Variants in LRMDA observed in about 807,000 individuals in gnomAD.
LRMDA encodes the protein leucine-rich melanocyte differentiation-associated protein.
In LRMDA, 18 loss-of-function variants were observed where a neutral mutation model predicts 29.8. The ratio of observed to expected loss-of-function variants is 0.60; its 90% CI spans 0.42 to 0.90. The LOEUF is 0.90. Among genes scored for constraint, LRMDA ranks in the 40% least tolerant of loss-of-function variants. LRMDA has a pLI of 0.00. For missense variants in LRMDA, 273 were observed against 273.9 expected, an observed-to-expected ratio of 1.00 and a Z score of 0.02; for synonymous variants, 125 against 109.4, an observed-to-expected ratio of 1.14 and a Z score of -0.89.
intron 2 of LRMDA, among the ~76,000 whole-genome samples, chr10:75,691,159 G>GAT (rs1842149149): frequency 1.1e-5 from 1 of 92,566 alleles, no homozygotes; most frequent in African/African-American, 4.3e-5. Flanking sequence ...TATATACATA[G>GAT]ATATATAGAT....
chr10:75,839,855 C>A (rs971002212), intron 2 of LRMDA, among the ~76,000 whole-genome samples: 6 of 151,788 alleles, frequency 4.0e-5, no homozygotes, highest in Non-Finnish European at 8.8e-5. Flanking sequence ...ACTACAGGCG[C>A]CCGCCACCGC....
chr10:75,538,071 C>CT, intron 2 of LRMDA, among the ~76,000 whole-genome samples: 1 of 152,148 alleles, frequency 6.6e-6, no homozygotes, highest in South Asian at 2.1e-4. Context: ...CCACAGTATA[C>CT]GGTTGGGGAC....
intron 6 of LRMDA, among the ~76,000 whole-genome samples, chr10:76,505,560 C>T (rs1842951213): frequency 6.6e-6 from 1 of 151,996 alleles, no homozygotes; most frequent in Non-Finnish European, 1.5e-5. Context: ...GCTGTTAATG[C>T]TTCTTATTGT....
intron 2 of LRMDA, among the ~76,000 whole-genome samples, chr10:75,493,559 G>A (rs1845012306): frequency 6.6e-6 from 1 of 152,024 alleles, no homozygotes; most frequent in Non-Finnish European, 1.5e-5. Flanking sequence ...TGTGACTGTT[G>A]GAGGTGTAAT....
intron 2 of LRMDA, among the ~76,000 whole-genome samples, chr10:75,480,891 G>A (rs148625838): frequency 5.9e-5 from 9 of 152,268 alleles, no homozygotes; most frequent in Middle Eastern, 6.8e-3. Context: ...TATTTGTGTT[G>A]AGTGGATGTG....
chr10:75,568,154 G>C (rs1840396789), intron 2 of LRMDA, among the ~76,000 whole-genome samples: 1 of 152,220 alleles, frequency 6.6e-6, no homozygotes, highest in Non-Finnish European at 1.5e-5. Flanking sequence ...GGTAGCTTTT[G>C]AGGTCCTTTT....
intron 3 of LRMDA, among the ~76,000 whole-genome samples, chr10:76,039,891 A>C (rs189332027): frequency 6.6e-6 from 1 of 152,318 alleles, no homozygotes; most frequent in African/African-American, 2.4e-5. Flanking sequence ...GAATTGTGTA[A>C]ACTCATCTGG....
At chr10:75,489,393 A>G (rs968646491) in intron 2 of LRMDA, among the ~76,000 whole-genome samples, 5 of 152,236 alleles carry the variant, frequency 3.3e-5, no homozygotes, top group African/African-American at 9.6e-5. Flanking sequence ...ATGAAGAACA[A>G]AATTGGGCCA....
chr10:75,666,735 A>G (rs536894787), intron 2 of LRMDA, among the ~76,000 whole-genome samples: 94 of 152,318 alleles, frequency 6.2e-4, no homozygotes, highest in African/African-American at 2.2e-3. Context: ...CATGCTGACC[A>G]TCATATTAAG....
At chr10:75,976,200 G>T (rs1396132783) in intron 2 of LRMDA, among the ~76,000 whole-genome samples, 1 of 152,234 alleles carries the variant, frequency 6.6e-6, no homozygotes, top group Non-Finnish European at 1.5e-5. Flanking sequence ...CTCTGTACAT[G>T]CCAGGCCCCT....
At chr10:76,161,205 ATTTCTCTTTAAG>A (rs1202719399) in intron 5 of LRMDA, among the ~76,000 whole-genome samples, 6 of 152,104 alleles carry the variant, frequency 3.9e-5, no homozygotes, top group Non-Finnish European at 8.8e-5. Flanking sequence ...TGACTCACGT[ATTTCTCTTTAAG>A]TGAATGAGCA....
At chr10:75,962,000 G>A (rs1846776716) in intron 2 of LRMDA, among the ~76,000 whole-genome samples, 1 of 152,090 alleles carries the variant, frequency 6.6e-6, no homozygotes, top group African/African-American at 2.4e-5. Context: ...CTCCCCGTGT[G>A]CATGTCTGTA....
At chr10:76,101,882 C>G (rs981907230) in intron 5 of LRMDA, among the ~76,000 whole-genome samples, 1 of 152,120 alleles carries the variant, frequency 6.6e-6, no homozygotes, top group African/African-American at 2.4e-5. Flanking sequence ...AGCTCGTAAC[C>G]CACAAAGCAG....
intron 6 of LRMDA, among the ~76,000 whole-genome samples, chr10:76,353,851 GA>G (rs1317251439): frequency 6.6e-6 from 1 of 152,076 alleles, no homozygotes; most frequent in Non-Finnish European, 1.5e-5. Context: ...AATAAGGGGG[GA>G]CATGTGATTT....
intron 2 of LRMDA, among the ~76,000 whole-genome samples, chr10:75,941,073 G>T (rs919035684): frequency 6.6e-6 from 1 of 152,192 alleles, no homozygotes; most frequent in Non-Finnish European, 1.5e-5. Flanking sequence ...TTCTGTTGGT[G>T]AAAATAGTTT....
intron 2 of LRMDA, among the ~76,000 whole-genome samples, chr10:75,485,164 T>G (rs769912101): frequency 4.6e-5 from 7 of 152,216 alleles, no homozygotes; most frequent in Non-Finnish European, 7.3e-5. Flanking sequence ...TTTTCTGGAC[T>G]TAGTTTTGAT....
intron 5 of LRMDA, among the ~76,000 whole-genome samples, chr10:76,295,666 G>A (rs1422087113): frequency 6.6e-6 from 1 of 152,116 alleles, no homozygotes. Flanking sequence ...ACCAATAAGT[G>A]CTAAAAGGAC....
rs186932291 is a variant in LRMDA, at chr10:76,457,002, C to T, written c.602-100207C>T. On this transcript the variant is annotated intron_variant, in intron 6 of 6. Transcript: ENST00000611255. ...CAAATTGTGGTCTTAGCCGTAACTC[C>T]GACTTTGAACATTTTCGGCAGTTCC... Among the ~76,000 whole-genome samples, 116 of 152,216 alleles carry T rather than the reference C, an allele frequency of 7.6e-4. 1 individual carries two copies. Among genetic ancestry groups the T allele is most frequent in the Non-Finnish European group, 1.4e-3 (98 of 68,028 alleles).
chr10:76,305,787 G>C (rs1391066501), intron 5 of LRMDA, among the ~76,000 whole-genome samples: 1 of 152,048 alleles, frequency 6.6e-6, no homozygotes, highest in Non-Finnish European at 1.5e-5. Context: ...ACGTTTAGAT[G>C]AATGAAACTT....
Sources: gnomAD v4.1 joint callset for allele counts (sites outside exome capture counted in the v4.1 genomes callset) on GRCh38, gnomAD v4.1.1 for gene constraint, MANE v1.5 for transcripts, NCBI Gene and HGNC (gene_info 2026-07-23, HGNC 2026-07-21) for gene names.